Variants in GALNTL6 observed in about 807,000 individuals in gnomAD.
GALNTL6 encodes polypeptide N-acetylgalactosaminyltransferase like 6, also known as polypeptide N-acetylgalactosaminyltransferase-like 6.
Under a neutral mutation model 73.7 loss-of-function variants are expected in GALNTL6, and 46 were observed. The ratio of observed to expected loss-of-function variants is 0.62; its 90% CI spans 0.49 to 0.80. The LOEUF is 0.80. Among genes scored for constraint, GALNTL6 ranks in the 30% least tolerant of loss-of-function variants. The pLI, the probability that GALNTL6 is intolerant of heterozygous loss-of-function variation, is 0.00. For missense variants in GALNTL6, 604 were observed against 755.0 expected, an observed-to-expected ratio of 0.80 and a Z score of 2.34; for synonymous variants, 259 against 263.7, an observed-to-expected ratio of 0.98 and a Z score of 0.17.
chr4:172,232,744 T>C (rs1405160286), intron 3 of GALNTL6, among the ~76,000 whole-genome samples: 1 of 152,160 alleles, frequency 6.6e-6, no homozygotes, highest in East Asian at 1.9e-4. Context: ...GTCACTTAGA[T>C]TTGCATTTTA....
At chr4:172,759,538 T>TAAA (rs1737944018) in intron 5 of GALNTL6, among the ~76,000 whole-genome samples, 1 of 152,208 alleles carries the variant, frequency 6.6e-6, no homozygotes, top group Admixed American at 6.5e-5. Flanking sequence ...GGTAAGACTG[T>TAAA]AGTCAACAAT....
chr4:172,684,231 C>T (rs1258058719), intron 5 of GALNTL6, among the ~76,000 whole-genome samples: 3 of 152,082 alleles, frequency 2.0e-5, no homozygotes, highest in East Asian at 1.9e-4. Context: ...GAGATGATGG[C>T]GTACACAGCT....
chr4:171,891,992 G>A (rs562064391), intron 2 of GALNTL6, among the ~76,000 whole-genome samples: 8 of 152,252 alleles, frequency 5.3e-5, no homozygotes, highest in Non-Finnish European at 1.0e-4. Flanking sequence ...AACTTTATAA[G>A]TATCAACATA....
chr4:172,526,791 C>A (rs7692303), intron 5 of GALNTL6, among the ~76,000 whole-genome samples: 23 of 152,262 alleles, frequency 1.5e-4, no homozygotes, highest in Admixed American at 1.4e-3. Flanking sequence ...CCTTCACTTT[C>A]TTCTTTCTAA....
At chr4:173,022,163 G>GGAAA (rs1753039363) in intron 12 of GALNTL6, among the ~76,000 whole-genome samples, 1 of 142,446 alleles carries the variant, frequency 7.0e-6, no homozygotes, top group African/African-American at 2.7e-5. Context: ...AAGGCAGGAA[G>GGAAA]GCAGGAAGGG....
intron 2 of GALNTL6, among the ~76,000 whole-genome samples, chr4:171,980,555 G>A (rs1739864983): frequency 6.6e-6 from 1 of 152,164 alleles, no homozygotes; most frequent in Non-Finnish European, 1.5e-5. Flanking sequence ...ACTGCAGTGT[G>A]TATATTTGTA....
At chr4:171,930,254 T>C (rs953459425) in intron 2 of GALNTL6, among the ~76,000 whole-genome samples, 7 of 152,212 alleles carry the variant, frequency 4.6e-5, no homozygotes, top group Non-Finnish European at 1.0e-4. Flanking sequence ...AGCGAAACCA[T>C]GCCATCACCT....
intron 8 of GALNTL6, among the ~76,000 whole-genome samples, chr4:172,925,494 A>G (rs1311689871): frequency 6.6e-6 from 1 of 152,200 alleles, no homozygotes; most frequent in Non-Finnish European, 1.5e-5. Flanking sequence ...GTAATTATCA[A>G]TCAGTTCACT....
Position 172,733,090 on chromosome 4 carries a change from T to G in GALNTL6, c.554-76271T>G, listed in dbSNP as rs140272105. 2.2e-3 allele frequency among the ~76,000 whole-genome samples: 341 copies of G among 152,358 alleles called. 1 individual carries two copies. Among genetic ancestry groups the G allele is most frequent in the African/African-American group, 7.9e-3 (329 of 41,574 alleles). On this transcript the variant is annotated intron_variant, in intron 5 of 12. Coordinates refer to ENST00000506823, the MANE Select transcript of GALNTL6 (RefSeq NM_001034845.3). Reference sequence around the variant, plus strand: ...TTGTTTTTCAGTTTGAAGAACTCCCTTTAGCATTTCTTGCAAAACGGGTCT... The same window carrying G: ...TTGTTTTTCAGTTTGAAGAACTCCCGTTAGCATTTCTTGCAAAACGGGTCT...
At chr4:172,039,190 T>C (rs913256434) in intron 2 of GALNTL6, among the ~76,000 whole-genome samples, 1 of 152,214 alleles carries the variant, frequency 6.6e-6, no homozygotes, top group African/African-American at 2.4e-5. Context: ...CCAAGGAGTG[T>C]TGACTTTTTT....
chr4:173,013,573 C>T (rs1424585818), intron 11 of GALNTL6, among the ~76,000 whole-genome samples: 2 of 148,408 alleles, frequency 1.3e-5, no homozygotes, highest in African/African-American at 5.0e-5. Context: ...CAACTCCCCA[C>T]CTCCCACCCC....
chr4:171,941,941 C>T (rs1010343090), intron 2 of GALNTL6, among the ~76,000 whole-genome samples: 7 of 152,180 alleles, frequency 4.6e-5, no homozygotes, highest in Admixed American at 1.3e-4. Context: ...TAAACATGCA[C>T]ATTATCCAGC....
intron 2 of GALNTL6, among the ~76,000 whole-genome samples, chr4:171,832,928 T>A (rs915470180): frequency 3.3e-5 from 5 of 151,808 alleles, no homozygotes; most frequent in Admixed American, 3.3e-4. Flanking sequence ...TAAATTACCC[T>A]CATTTGATTA....
chr4:172,528,365 T>C (rs1300384896), intron 5 of GALNTL6, among the ~76,000 whole-genome samples: 2 of 129,280 alleles, frequency 1.5e-5, no homozygotes, highest in African/African-American at 3.0e-5. Context: ...TATATATATA[T>C]GGTTATTTTT....
At chr4:172,445,393 A>T (rs1193221332) in intron 5 of GALNTL6, among the ~76,000 whole-genome samples, 1 of 152,242 alleles carries the variant, frequency 6.6e-6, no homozygotes, top group Admixed American at 6.6e-5. Context: ...GTACATTCTG[A>T]ACCTAAACAT....
chr4:172,034,015 T>C (rs1404601035), intron 2 of GALNTL6, among the ~76,000 whole-genome samples: 1 of 152,162 alleles, frequency 6.6e-6, no homozygotes, highest in Non-Finnish European at 1.5e-5. Context: ...AAAATTGTTT[T>C]CTCAGCATAA....
chr4:172,848,648 G>A (rs1371076995), intron 7 of GALNTL6, among the ~76,000 whole-genome samples: 1 of 152,154 alleles, frequency 6.6e-6, no homozygotes, highest in South Asian at 2.1e-4. Flanking sequence ...AAGAGAGTTA[G>A]GGGATAGCTG....
Position 173,037,550 on chromosome 4 carries a change from G to T in GALNTL6, c.1639-2383G>T, listed in dbSNP as rs553162360. Among the ~76,000 whole-genome samples, 4 of 152,338 alleles carry T rather than the reference G, an allele frequency of 2.6e-5. No homozygotes were observed. The East Asian group carries it at 7.7e-4, about 29-fold the overall frequency. ...GGGATTTGGAAAAATATGATCAGTTGATGGTTCAGAAAATAATGTTTGAAA... is the reference window on the plus strand; with the variant it reads ...GGGATTTGGAAAAATATGATCAGTTTATGGTTCAGAAAATAATGTTTGAAA... On this transcript the variant is annotated intron_variant, in intron 12 of 12. Coordinates refer to ENST00000506823, the MANE Select transcript of GALNTL6 (RefSeq NM_001034845.3).
chr4:172,778,113 T>G (rs1244242728), intron 5 of GALNTL6, among the ~76,000 whole-genome samples: 3 of 152,260 alleles, frequency 2.0e-5, no homozygotes, highest in African/African-American at 7.2e-5. Context: ...TTTCCAACAG[T>G]AAGTGGCATT....
Sources: allele counts gnomAD v4.1 joint callset (sites outside exome capture counted in the v4.1 genomes callset), GRCh38; gene constraint gnomAD v4.1.1; transcripts MANE v1.5; gene names NCBI Gene and HGNC (gene_info 2026-07-23, HGNC 2026-07-21).